The following PCDHGA4 variants were observed in gnomAD, a reference collection of about 807,000 sequenced individuals.
PCDHGA4 encodes the protein protocadherin gamma-A4.
PCDHGA4 carries 38 observed loss-of-function variants against 54.6 expected under a neutral mutation model. That is an observed-to-expected ratio of 0.70 (90% CI 0.54 to 0.91). PCDHGA4 has a LOEUF of 0.91. PCDHGA4 is among the 40% of genes least tolerant of loss of function. The pLI is 0.00. For missense variants in PCDHGA4, 1,298 were observed against 1,220.9 expected, an observed-to-expected ratio of 1.06 and a Z score of -0.94; for synonymous variants, 511 against 512.9, an observed-to-expected ratio of 1.00 and a Z score of 0.05.
At chr5:141,427,191 G>A (rs749528616) in intron 1 of PCDHGA4, 1 of 456,716 alleles carries the variant, frequency 2.2e-6, no homozygotes, top group South Asian at 1.5e-5. Flanking sequence ...TAAATCCAAA[G>A]ACTTAATAGA....
chr5:141,400,473 G>T (rs1196529035), intron 1 of PCDHGA4: 1 of 1,613,946 alleles, frequency 6.2e-7, no homozygotes, highest in Non-Finnish European at 8.5e-7. Context: ...ATTCATCTGG[G>T]GCCTTATTTC....
intron 1 of PCDHGA4, among the ~76,000 whole-genome samples, chr5:141,473,390 A>T (rs554428702): frequency 1.3e-5 from 2 of 152,190 alleles, no homozygotes; most frequent in Non-Finnish European, 2.9e-5. Flanking sequence ...GCCCTCCTGG[A>T]GCTTCTTTTT....
At chr5:141,388,908 G>A (rs1240421900) in intron 1 of PCDHGA4, 5 of 1,613,892 alleles carry the variant, frequency 3.1e-6, no homozygotes, top group Admixed American at 1.7e-5. Flanking sequence ...AAATGACAAC[G>A]CCCCAGAAGT....
At position 141,356,801 on chromosome 5, in the gene PCDHGA4, C is replaced by G. The variant is rs369350823; in HGVS notation, c.1694C>G (p.Ala565Gly). Reference sequence around the variant, plus strand: ...AGAGACCTGCAGCTGCTGATGACAGCCAGTGACAGTGGAGACCCTCCACTC... The same window carrying G: ...AGAGACCTGCAGCTGCTGATGACAGGCAGTGACAGTGGAGACCCTCCACTC... Reference protein sequence around the residue: ...QFRDLQLLMTASDSGDPPLSS... With the variant: ...QFRDLQLLMTGSDSGDPPLSS... Residue 565 changes from alanine to glycine, a missense_variant, in exon 1 of 4, where the codon GCC (alanine) becomes GGC (glycine). Coordinates refer to ENST00000571252, the MANE Select transcript of PCDHGA4 (RefSeq NM_018917.4). The G allele has an allele frequency of 5.1e-5, 82 of 1,613,922 alleles. No homozygotes were observed. The highest frequency in any genetic ancestry group is 4.6e-4 in the South Asian group (42 of 91,084).
At chr5:141,415,422 G>A (rs769839324) in intron 1 of PCDHGA4, 3 of 1,614,204 alleles carry the variant, frequency 1.9e-6, no homozygotes, top group East Asian at 2.2e-5. Context: ...GCGTGGACGG[G>A]GTTCGGGCTT....
chr5:141,415,740 GTTTTTTTTTTTTTTTTT>G (rs57426385), intron 1 of PCDHGA4: 62 of 625,030 alleles, frequency 9.9e-5, no homozygotes, highest in East Asian at 4.1e-4. Flanking sequence ...GTTTATTAAG[GTTTTTTTTTTTTTTTTT>G]TTTTTTTTTT....
At chr5:141,394,693 G>A (rs1310404999) in intron 1 of PCDHGA4, 33 of 1,612,890 alleles carry the variant, frequency 2.0e-5, no homozygotes, top group Non-Finnish European at 2.8e-5. Context: ...GGCGAGGTGC[G>A]CACGGCGCGA....
chr5:141,497,466 G>T (rs1047422582), intron 2 of PCDHGA4, among the ~76,000 whole-genome samples: 2 of 152,020 alleles, frequency 1.3e-5, no homozygotes, highest in African/African-American at 4.8e-5. Flanking sequence ...TGGAGATATG[G>T]AGGAGAAGGT....
chr5:141,482,160 T>G (rs577572891), intron 1 of PCDHGA4, among the ~76,000 whole-genome samples: 1 of 151,854 alleles, frequency 6.6e-6, no homozygotes, highest in Admixed American at 6.6e-5. Context: ...GTCAAAGATA[T>G]GTAAGATTAA....
intron 1 of PCDHGA4, chr5:141,399,802 C>G: frequency 3.1e-6 from 5 of 1,613,252 alleles, no homozygotes; most frequent in Non-Finnish European, 3.4e-6. Flanking sequence ...ACCGCGGGTG[C>G]TGTACCCCGC....
intron 1 of PCDHGA4, chr5:141,404,714 G>T (rs776337117): frequency 6.2e-7 from 1 of 1,614,068 alleles, no homozygotes; most frequent in Non-Finnish European, 8.5e-7. Context: ...TGGCTACCTG[G>T]TGACCAAGGT....
chr5:141,407,125 T>C (rs1367266686), intron 1 of PCDHGA4, among the ~76,000 whole-genome samples: 1 of 152,254 alleles, frequency 6.6e-6, no homozygotes, highest in Non-Finnish European at 1.5e-5. Context: ...TTCAGTTGCT[T>C]TATTTTTAAG....
intron 1 of PCDHGA4, chr5:141,478,902 GCTGCTGGATAC>G: frequency 1.0e-6 from 1 of 978,788 alleles, no homozygotes. Context: ...TTAGGAATAA[GCTGCTGGATAC>G]CTCTAACCAG....
At position 141,437,741 on chromosome 5, in the gene PCDHGA4, C is replaced by CTT. The variant is rs35124340; in HGVS notation, c.2515-57052_2515-57051dup. 4.3e-3 allele frequency among the ~76,000 whole-genome samples: 606 copies of CTT among 141,726 alleles called. 5 individuals are homozygous for CTT. The highest frequency in any genetic ancestry group is 0.012 in the Admixed American group (164 of 14,230). 93.0% of individuals were successfully genotyped at this position (141,726 alleles called of 152,430 possible). A position where few individuals can be genotyped will look rare whatever the true frequency, so the allele number is the denominator to read the frequency against. On this transcript the variant is annotated intron_variant, in intron 1 of 3. Transcript: ENST00000571252. ...CTCTAATGTTACACTTTGAGTTCAC[C>CTT]TTTTTTTTTTTTTTTGAGACAGAGT...
At chr5:141,375,214 C>G in intron 1 of PCDHGA4, 1 of 1,613,810 alleles carries the variant, frequency 6.2e-7, no homozygotes. Flanking sequence ...GAGACTCTGG[C>G]CTGAATGGCC....
chr5:141,436,193 A>G (rs2097801112), intron 1 of PCDHGA4, among the ~76,000 whole-genome samples: 1 of 152,156 alleles, frequency 6.6e-6, no homozygotes, highest in South Asian at 2.1e-4. Flanking sequence ...AAATAGAAAG[A>G]AAGACATAAT....
chr5:141,492,079 G>C (rs1400390407), intron 1 of PCDHGA4: 3 of 486,286 alleles, frequency 6.2e-6, no homozygotes, highest in South Asian at 4.1e-5. Flanking sequence ...CGCCGGCTCC[G>C]GCACGCTTCG....
chr5:141,433,076 C>G, intron 1 of PCDHGA4: 1 of 1,614,188 alleles, frequency 6.2e-7, no homozygotes, highest in Non-Finnish European at 8.5e-7. Context: ...CTTCCCCCAG[C>G]CCAACTATGC....
Position 141,491,045 on chromosome 5 carries a change from A to G in PCDHGA4, c.2515-3762A>G, listed in dbSNP as rs1452139285. 2 of 1,613,970 alleles carry G rather than the reference A, an allele frequency of 1.2e-6. No individual in the cohort carries two copies. The highest frequency in any genetic ancestry group is 1.1e-5 in the South Asian group (1 of 91,090). On this transcript the variant is annotated intron_variant, in intron 1 of 3. Coordinates refer to ENST00000571252, the MANE Select transcript of PCDHGA4 (RefSeq NM_018917.4). This position sits in a 1 kb window ranked among gnomAD's most constrained non-coding sequence, Gnocchi z 6.9. ...GCCGTGGATGCTGATGCAGGCCACA[A>G]TGCGTGGCTCTCCTACTCACTGTTG...
Sources: gnomAD v4.1 joint callset for allele counts (sites outside exome capture counted in the v4.1 genomes callset) on GRCh38, gnomAD v4.1.1 for gene constraint, Gnocchi (gnomAD v3.1) non-coding constraint, MANE v1.5 for transcripts, NCBI Gene and HGNC (gene_info 2026-07-23, HGNC 2026-07-21) for gene names.